OOEP: variants seen among roughly 807,000 people sequenced by gnomAD.
The protein encoded by OOEP is oocyte expressed protein, also known as oocyte-expressed protein homolog.
Under a neutral mutation model 13.7 loss-of-function variants are expected in OOEP, and 16 were observed. The observed-to-expected ratio is 1.16, with a 90% CI of 0.79 to 1.77. The LOEUF is 1.77. OOEP is among the 40% of genes most tolerant of loss of function. OOEP has a pLI of 0.00. For missense variants in OOEP, 195 were observed against 193.1 expected (o/e 1.01, Z -0.06); for synonymous variants, 89 against 77.1 (o/e 1.15, Z -0.81).
At chr6:73,380,312 A>G (rs759786080) in intron 2 of OOEP, among the ~76,000 whole-genome samples, 1 of 150,640 alleles carries the variant, frequency 6.6e-6, no homozygotes, top group Non-Finnish European at 1.5e-5. Context: ...TGGTGGTGCA[A>G]TCTCCACTCA....
rs1460960233 is a variant in OOEP at position 73,369,717 on chromosome 6, T to C, written c.76A>G (p.Arg26Gly). The C allele has an allele frequency of 4.3e-6, 7 of 1,613,894 alleles. No homozygotes were observed. Among genetic ancestry groups the C allele is most frequent in the Non-Finnish European group, 5.9e-6 (7 of 1,179,898 alleles). ...TPAHSLEQLR[R>G]LPLPPPQIRI... ...ATCTGTGGCGGCGGAAGTGGTAACCTACGCAGCTGCTCCAGGGAGTGGGCC... is the reference window on the plus strand; with the variant it reads ...ATCTGTGGCGGCGGAAGTGGTAACCCACGCAGCTGCTCCAGGGAGTGGGCC... The change falls in exon 1 of 3, where the codon AGG (arginine) becomes GGG (glycine). Residue 26 changes from arginine (R) to glycine (G), a missense_variant. Physicochemically the swap from Arg to Gly is moderately radical, Grantham distance 125 (BLOSUM62 -2). Transcript: ENST00000370359.
chr6:73,375,023 C>T (rs968861977), intron 2 of OOEP, among the ~76,000 whole-genome samples: 1 of 152,070 alleles, frequency 6.6e-6, no homozygotes, highest in Admixed American at 6.6e-5. Context: ...GACGGGGTTT[C>T]GCCATGTTGG....
intron 2 of OOEP, among the ~76,000 whole-genome samples, chr6:73,387,934 T>C (rs1484690897): frequency 4.6e-5 from 7 of 152,192 alleles, no homozygotes; most frequent in Non-Finnish European, 7.3e-5. Flanking sequence ...AGTAGCGCAA[T>C]CTGGGCTGAC....
At chr6:73,394,576 G>T (rs6917933) in intron 1 of OOEP, 58,121 of 441,364 alleles carry the variant, frequency 0.13, 4,127 homozygotes, top group Non-Finnish European at 0.17. Context: ...AGCAAATTGG[G>T]CGTTTGGAAA....
chr6:73,370,185 G>C (rs1175280426), upstream of OOEP: 1 of 190,566 alleles, frequency 5.2e-6, no homozygotes, highest in East Asian at 1.3e-4. Context: ...ACCTTTGCTG[G>C]CTAGGTTAAG....
chr6:73,392,047 G>A (rs1769353771), intron 2 of OOEP, among the ~76,000 whole-genome samples: 1 of 152,186 alleles, frequency 6.6e-6, no homozygotes, highest in South Asian at 2.1e-4. Context: ...CTCATAGAAT[G>A]AGTTAGGAAG....
At chr6:73,383,853 T>G (rs978464464) in intron 2 of OOEP, among the ~76,000 whole-genome samples, 27 of 152,088 alleles carry the variant, frequency 1.8e-4, no homozygotes, top group African/African-American at 6.5e-4. Flanking sequence ...AATCACACTT[T>G]GGGAGGCTGA....
intron 2 of OOEP, among the ~76,000 whole-genome samples, chr6:73,381,682 A>G (rs1769210404): frequency 1.3e-5 from 2 of 152,058 alleles, no homozygotes; most frequent in Non-Finnish European, 2.9e-5. Flanking sequence ...TGGGGGGACA[A>G]TTAATATAAA....
At chr6:73,382,932 G>A (rs1022975988) in intron 2 of OOEP, among the ~76,000 whole-genome samples, 29 of 129,696 alleles carry the variant, frequency 2.2e-4, no homozygotes, top group Non-Finnish European at 3.6e-4. Flanking sequence ...TCAGCTCACC[G>A]CAGCCTCCAC....
At chr6:73,370,885 G>A (rs923056273), upstream of OOEP, among the ~76,000 whole-genome samples, 2 of 152,052 alleles carry the variant, frequency 1.3e-5, no homozygotes, top group Non-Finnish European at 2.9e-5. Context: ...AGGCCTAAGC[G>A]ACCCTCCCAT....
intron 2 of OOEP, 96 bp from the exon 3 acceptor site, chr6:73,368,959 C>G (rs576415310): frequency 4.0e-6 from 4 of 993,284 alleles, no homozygotes; most frequent in Non-Finnish European, 6.3e-6. Flanking sequence ...AGAGAAAGAT[C>G]TGCGATAGTG....
At chr6:73,373,588 T>TTTTATTTA (rs1554232834), upstream of OOEP, among the ~76,000 whole-genome samples, 1 of 152,064 alleles carries the variant, frequency 6.6e-6, no homozygotes, top group Admixed American at 6.5e-5. Context: ...TGCAATTATT[T>TTTTATTTA]TTTATTTATT....
At chr6:73,372,561 C>T (rs900395223), upstream of OOEP, among the ~76,000 whole-genome samples, 2 of 152,130 alleles carry the variant, frequency 1.3e-5, no homozygotes, top group African/African-American at 4.8e-5. Flanking sequence ...ACCGATAGGC[C>T]TTTGCACCTG....
upstream of OOEP, among the ~76,000 whole-genome samples, chr6:73,371,778 A>AAC (rs1769062804): frequency 6.6e-6 from 1 of 151,622 alleles, no homozygotes; most frequent in African/African-American, 2.4e-5. Context: ...AAAATAAAAA[A>AAC]ATTTGGCCAG....
At chr6:73,394,381 G>A in exon 2 of OOEP, 2 of 715,214 alleles carry the variant, frequency 2.8e-6, no homozygotes, top group Non-Finnish European at 5.2e-6. Context: ...TTCCGGTGCA[G>A]TGGCTGACTG....
intron 2 of OOEP, among the ~76,000 whole-genome samples, chr6:73,380,789 A>G (rs960400940): frequency 2.0e-5 from 3 of 152,210 alleles, no homozygotes; most frequent in Admixed American, 2.0e-4. Flanking sequence ...TTATCTACAC[A>G]TTAGAAACTA....
intron 2 of OOEP, among the ~76,000 whole-genome samples, chr6:73,380,511 G>T (rs953260338): frequency 2.6e-5 from 4 of 152,078 alleles, no homozygotes; most frequent in Admixed American, 2.6e-4. Context: ...ACAATGAAAT[G>T]TTATATACCA....
chr6:73,384,791 C>CAGTG (rs1769247613), intron 2 of OOEP, among the ~76,000 whole-genome samples: 1 of 151,036 alleles, frequency 6.6e-6, no homozygotes, highest in African/African-American at 2.4e-5. Flanking sequence ...GGCTGAAGTG[C>CAGTG]AGTGGCACAA....
chr6:73,369,776 C>T lies in OOEP; in HGVS notation c.17G>A (p.Gly6Asp), dbSNP rs1216971954. 1 of 1,613,532 alleles carries T rather than the reference C, an allele frequency of 6.2e-7. No homozygotes were observed. Among genetic ancestry groups the T allele is most frequent in the South Asian group, 1.1e-5 (1 of 91,084 alleles). Residue 6 changes from glycine (G) to aspartate (D), a missense_variant, in exon 1 of 3, where the codon GGT becomes GAT. Coordinates refer to ENST00000370359, the MANE Select transcript of OOEP (RefSeq NM_001080507.3). MVDDA[G>D]AAESQRGKQT... ...TTTGCCCCGCTGGGACTCAGCGGCA[C>T]CAGCATCATCGACCATACTGGGACC...
Sources: gnomAD v4.1 joint callset for allele counts (sites outside exome capture counted in the v4.1 genomes callset) on GRCh38, gnomAD v4.1.1 for gene constraint, MANE v1.5 for transcripts, NCBI Gene and HGNC (gene_info 2026-07-23, HGNC 2026-07-21) for gene names.